Variants in CSMD1 observed in about 807,000 individuals in gnomAD.
CSMD1 encodes CUB and Sushi multiple domains 1, also known as CUB and sushi domain-containing protein 1.
A neutral mutation model predicts 417.5 loss-of-function variants in CSMD1; 213 were observed. The ratio of observed to expected loss-of-function variants is 0.51; its 90% CI spans 0.46 to 0.57. The LOEUF (loss-of-function observed/expected upper bound fraction) is 0.57, where lower values mean the gene tolerates loss of function less well. CSMD1 is among the 20% of genes least tolerant of loss of function. The pLI is 0.00. For synonymous variants in CSMD1, 2,862 were observed against 1,736.8 expected (o/e 1.65, Z -16.11); for missense variants, 6,923 against 4,529.7 (o/e 1.53, Z -15.17).
chr8:2,984,266 G>A (rs930544245), intron 54 of CSMD1, among the ~76,000 whole-genome samples: 2 of 152,286 alleles, frequency 1.3e-5, no homozygotes, highest in South Asian at 2.1e-4. Context: ...ACTGGGAGCC[G>A]AGCAAACGCA....
At chr8:4,082,462 G>T (rs1486324402) in intron 3 of CSMD1, among the ~76,000 whole-genome samples, 1 of 152,096 alleles carries the variant, frequency 6.6e-6, no homozygotes, top group African/African-American at 2.4e-5. Flanking sequence ...GATTGCCTAA[G>T]TAGTTCTAGG....
intron 40 of CSMD1, among the ~76,000 whole-genome samples, chr8:3,146,271 C>T (rs545231351): frequency 3.2e-4 from 49 of 151,908 alleles, no homozygotes; most frequent in East Asian, 9.7e-4. Flanking sequence ...AAACGGAGAC[C>T]GAAATCCTGA....
intron 5 of CSMD1, among the ~76,000 whole-genome samples, chr8:3,867,821 T>G (rs903355288): frequency 6.6e-6 from 1 of 152,060 alleles, no homozygotes; most frequent in Non-Finnish European, 1.5e-5. Flanking sequence ...TGACCTTCCC[T>G]CAATTCTAGG....
intron 2 of CSMD1, among the ~76,000 whole-genome samples, chr8:4,420,724 G>T (rs1797202505): frequency 6.6e-6 from 1 of 152,080 alleles, no homozygotes; most frequent in Non-Finnish European, 1.5e-5. Flanking sequence ...CGTGCAATAG[G>T]CTGTGAGCCG....
At chr8:4,246,870 A>G (rs945509185) in intron 3 of CSMD1, among the ~76,000 whole-genome samples, 1 of 152,208 alleles carries the variant, frequency 6.6e-6, no homozygotes, top group Admixed American at 6.5e-5. Flanking sequence ...TAATCTACAA[A>G]GTGACTTTTT....
intron 11 of CSMD1, among the ~76,000 whole-genome samples, chr8:3,474,441 C>A (rs1009246643): frequency 6.6e-6 from 1 of 152,022 alleles, no homozygotes; most frequent in African/African-American, 2.4e-5. Flanking sequence ...TGTAACCAAC[C>A]TGCACCCCTA....
chr8:4,721,790 G>A (rs909049598), intron 1 of CSMD1, among the ~76,000 whole-genome samples: 2 of 152,158 alleles, frequency 1.3e-5, no homozygotes, highest in Middle Eastern at 3.4e-3. Flanking sequence ...CAATAGCCAA[G>A]GTATGTAAAG....
chr8:4,407,277 G>C (rs1007694151), intron 3 of CSMD1, among the ~76,000 whole-genome samples: 3 of 152,136 alleles, frequency 2.0e-5, no homozygotes, highest in African/African-American at 7.2e-5. Flanking sequence ...AACTTTTGGA[G>C]TAATTTCATA....
intron 2 of CSMD1, among the ~76,000 whole-genome samples, chr8:4,624,510 G>C (rs1251770005): frequency 1.3e-5 from 2 of 152,078 alleles, no homozygotes; most frequent in African/African-American, 2.4e-5. Flanking sequence ...TGCTACACAG[G>C]TGCATTGCCT....
chr8:3,241,379 T>C (rs1174486527), intron 26 of CSMD1, among the ~76,000 whole-genome samples: 1 of 151,948 alleles, frequency 6.6e-6, no homozygotes, highest in East Asian at 1.9e-4. Context: ...TCCATATTGA[T>C]TAAGAAGGGG....
At position 4,971,739 on chromosome 8, in the gene CSMD1, A is replaced by G. The variant is rs573699205; in HGVS notation, c.85+22593T>C. 6.6e-5 allele frequency among the ~76,000 whole-genome samples: 10 copies of G among 151,888 alleles called. No individual in the cohort carries two copies. In the South Asian group the frequency reaches 2.1e-3, roughly 31 times the overall value. ...TTCTATGATTACATTCTTCATATAA[A>G]TATTACCAACTTTTATGTCCTAATT... On this transcript the variant is annotated intron_variant, in intron 1 of 69. Coordinates refer to ENST00000635120, the MANE Select transcript of CSMD1 (RefSeq NM_033225.6).
intron 3 of CSMD1, among the ~76,000 whole-genome samples, chr8:4,245,556 G>A (rs1040064976): frequency 1.3e-5 from 2 of 152,216 alleles, no homozygotes; most frequent in Non-Finnish European, 2.9e-5. Flanking sequence ...AACATGAGGT[G>A]TGTAGAGGAA....
At chr8:4,426,533 ACT>A (rs1797567371) in intron 2 of CSMD1, among the ~76,000 whole-genome samples, 1 of 147,618 alleles carries the variant, frequency 6.8e-6, no homozygotes. Context: ...AGTATTTTAT[ACT>A]GTATAATATA....
intron 5 of CSMD1, among the ~76,000 whole-genome samples, chr8:3,834,131 T>G (rs1386242469): frequency 6.6e-6 from 1 of 152,234 alleles, no homozygotes; most frequent in East Asian, 1.9e-4. Context: ...TCTAATTGTC[T>G]TCAATTTTAC....
chr8:3,236,012 G>T (rs571092968), intron 26 of CSMD1, among the ~76,000 whole-genome samples: 1 of 146,296 alleles, frequency 6.8e-6, no homozygotes, highest in Non-Finnish European at 1.5e-5. Context: ...CCGCCTTCCG[G>T]GTTCACGCCA....
chr8:3,201,667 A>T lies in CSMD1; in HGVS notation c.5043T>A (p.Phe1681Leu), dbSNP rs775512809. 6.2e-6 allele frequency: 10 copies of T among 1,607,182 alleles called. No homozygotes were observed. Among genetic ancestry groups the T allele is most frequent in the Non-Finnish European group, 8.5e-6 (10 of 1,176,810 alleles). Residue 1681 changes from phenylalanine (F) to leucine (L), a missense_variant, in exon 32 of 70, where the codon TTT becomes TTA. Phe to Leu is a conservative substitution (Grantham distance 22). Transcript: ENST00000635120. ...QTALNDLAEL[F>L]DGTHAQARLL... ...GTCTGGCCTGTGCATGGGTTCCATC[A>T]AATAATTCTGCCAAATCATTCAGGG...
chr8:4,187,798 A>T (rs1446758079), intron 3 of CSMD1, among the ~76,000 whole-genome samples: 1 of 151,940 alleles, frequency 6.6e-6, no homozygotes, highest in Non-Finnish European at 1.5e-5. Flanking sequence ...GGCAGGTATT[A>T]TTATTATTTT....
intron 17 of CSMD1, among the ~76,000 whole-genome samples, chr8:3,391,798 A>G (rs1811365991): frequency 6.6e-6 from 1 of 152,208 alleles, no homozygotes; most frequent in African/African-American, 2.4e-5. Context: ...TTGTCTGTAG[A>G]GATCATTGGC....
chr8:4,195,808 C>T (rs973318457), intron 3 of CSMD1, among the ~76,000 whole-genome samples: 7 of 152,132 alleles, frequency 4.6e-5, no homozygotes, highest in East Asian at 3.9e-4. Context: ...ATGCACAGTC[C>T]TGCCCTCAAG....
Sources: gnomAD v4.1 joint callset for allele counts (sites outside exome capture counted in the v4.1 genomes callset) on GRCh38, gnomAD v4.1.1 for gene constraint, MANE v1.5 for transcripts, NCBI Gene and HGNC (gene_info 2026-07-23, HGNC 2026-07-21) for gene names.